The following MAML2 variants were observed in gnomAD, a reference collection of about 807,000 sequenced individuals.
The protein encoded by MAML2 is mastermind-like protein 2.
Under a neutral mutation model 96.1 loss-of-function variants are expected in MAML2, and 22 were observed. That is an observed-to-expected ratio of 0.23 (90% CI 0.16 to 0.33). The LOEUF (loss-of-function observed/expected upper bound fraction) is 0.33. Ranked by LOEUF, MAML2 falls within the 10% of genes least tolerant of loss-of-function variation. The probability of loss-of-function intolerance (pLI) is 1.00; values close to 1 mark genes in which losing one functional copy is unlikely to be tolerated. For synonymous variants in MAML2, 561 were observed against 521.3 expected (o/e 1.08, Z -1.04); for missense variants, 1,367 against 1,392.4 (o/e 0.98, Z 0.29).
intron 1 of MAML2, among the ~76,000 whole-genome samples, chr11:96,300,110 G>A (rs1446976574): frequency 6.6e-6 from 1 of 152,170 alleles, no homozygotes; most frequent in Admixed American, 6.5e-5. Flanking sequence ...ATAAGAGGGT[G>A]TGTGATACTT....
chr11:96,125,904 G>A (rs77102429), intron 1 of MAML2, among the ~76,000 whole-genome samples: 2,010 of 152,274 alleles, frequency 0.013, 16 homozygotes, highest in Non-Finnish European at 0.019. Flanking sequence ...AGCAAAGGGC[G>A]TAGATTCTGG....
At chr11:96,130,865 C>T (rs1860537813) in intron 1 of MAML2, among the ~76,000 whole-genome samples, 1 of 151,614 alleles carries the variant, frequency 6.6e-6, no homozygotes, top group African/African-American at 2.4e-5. Flanking sequence ...TTGTCCTACA[C>T]CAATTGTCTA....
intron 1 of MAML2, among the ~76,000 whole-genome samples, chr11:96,189,070 T>A (rs1015236907): frequency 1.0e-5 from 1 of 96,258 alleles, no homozygotes; most frequent in African/African-American, 3.5e-5. Context: ...AACTGTTTTG[T>A]TTTTTTTTTT....
At chr11:96,193,707 G>A (rs563226288) in intron 1 of MAML2, among the ~76,000 whole-genome samples, 1 of 152,188 alleles carries the variant, frequency 6.6e-6, no homozygotes, top group Non-Finnish European at 1.5e-5. Flanking sequence ...TGAAGAGCAA[G>A]ATGCTTTATT....
At chr11:96,178,202 G>A (rs1437601904) in intron 1 of MAML2, among the ~76,000 whole-genome samples, 1 of 151,678 alleles carries the variant, frequency 6.6e-6, no homozygotes, top group African/African-American at 2.4e-5. Context: ...CCGTGGGTTT[G>A]TGCAACTCTC....
chr11:96,019,051 A>G (rs938472012), intron 2 of MAML2, among the ~76,000 whole-genome samples: 3 of 152,220 alleles, frequency 2.0e-5, no homozygotes, highest in African/African-American at 4.8e-5. Context: ...ATTTTTTTCA[A>G]GGAGTATGGC....
At chr11:96,054,875 A>T (rs1233782749) in intron 2 of MAML2, among the ~76,000 whole-genome samples, 24 of 152,308 alleles carry the variant, frequency 1.6e-4, no homozygotes, top group African/African-American at 5.5e-4. Context: ...AGAAAAAAAT[A>T]AATTTTAAAT....
At chr11:96,326,358 C>CCTATGTGT (rs111725703) in intron 1 of MAML2, among the ~76,000 whole-genome samples, 1 of 147,638 alleles carries the variant, frequency 6.8e-6, no homozygotes, top group African/African-American at 2.5e-5. Context: ...CACACTAAAG[C>CCTATGTGT]GTGTGTGTGT....
intron 1 of MAML2, among the ~76,000 whole-genome samples, chr11:96,311,530 A>G (rs1434798976): frequency 6.6e-6 from 1 of 152,320 alleles, no homozygotes; most frequent in East Asian, 1.9e-4. Flanking sequence ...ATAGCTAGAG[A>G]TGGCGGTACC....
intron 2 of MAML2, among the ~76,000 whole-genome samples, chr11:96,025,584 C>T (rs1858504767): frequency 1.3e-5 from 2 of 152,190 alleles, no homozygotes; most frequent in Admixed American, 6.5e-5. Flanking sequence ...GATGGAGTCT[C>T]GCTCTGTCGC....
chr11:96,218,437 C>G (rs1302320835), intron 1 of MAML2, among the ~76,000 whole-genome samples: 1 of 152,142 alleles, frequency 6.6e-6, no homozygotes, highest in Non-Finnish European at 1.5e-5. Context: ...GCATTTTTAT[C>G]TTGATGCAGA....
intron 1 of MAML2, among the ~76,000 whole-genome samples, chr11:96,314,062 G>A (rs548998736): frequency 4.5e-4 from 68 of 152,330 alleles, no homozygotes; most frequent in Non-Finnish European, 8.1e-4. Flanking sequence ...TTGGGAGAGG[G>A]CAGGGATATG....
intron 1 of MAML2, among the ~76,000 whole-genome samples, chr11:96,264,898 T>C (rs995687458): frequency 1.3e-5 from 2 of 152,250 alleles, no homozygotes; most frequent in Non-Finnish European, 2.9e-5. Context: ...ACCCTAGATA[T>C]GCCTTTCTTC....
chr11:96,188,008 A>G (rs1365251851), intron 1 of MAML2, among the ~76,000 whole-genome samples: 2 of 152,172 alleles, frequency 1.3e-5, no homozygotes, highest in East Asian at 1.9e-4. Context: ...CTATGGTTAA[A>G]TGGAGTTGTC....
chr11:96,223,823 G>A (rs140456699), intron 1 of MAML2, among the ~76,000 whole-genome samples: 2 of 152,150 alleles, frequency 1.3e-5, no homozygotes, highest in African/African-American at 4.8e-5. Flanking sequence ...AACACAATTG[G>A]GTTTTTTCCC....
At position 96,274,590 on chromosome 11, in the gene MAML2, TATTA is replaced by T. The variant is rs140219990; in HGVS notation, c.513+66789_513+66792del. Among the ~76,000 whole-genome samples, 458 of 152,124 alleles carry T rather than the reference TATTA, an allele frequency of 3.0e-3. 3 individuals are homozygous for T. Among genetic ancestry groups the T allele is most frequent in the South Asian group, 1.0e-2 (48 of 4,810 alleles). ...TAAAAACCAGAAATATTAAATTAGG[TATTA>T]ATTAATGTTTAATTATAGGTTTAGT... On this transcript the variant is annotated intron_variant, in intron 1 of 4. Coordinates refer to ENST00000524717, the MANE Select transcript of MAML2 (RefSeq NM_032427.4).
At chr11:96,119,689 AC>A (rs1396772918) in intron 1 of MAML2, among the ~76,000 whole-genome samples, 1 of 152,318 alleles carries the variant, frequency 6.6e-6, no homozygotes, top group South Asian at 2.1e-4. Context: ...GGCTCTATTT[AC>A]CACTTGGCTC....
intron 1 of MAML2, among the ~76,000 whole-genome samples, chr11:96,109,971 G>T (rs1249018567): frequency 6.6e-6 from 1 of 152,156 alleles, no homozygotes; most frequent in African/African-American, 2.4e-5. Context: ...GGAACATCAA[G>T]ATTTAAGGAG....
chr11:96,194,882 C>T (rs903429265), intron 1 of MAML2, among the ~76,000 whole-genome samples: 6 of 152,096 alleles, frequency 3.9e-5, no homozygotes, highest in African/African-American at 1.4e-4. Flanking sequence ...GGAACACTGT[C>T]AAATAGGTGA....
Sources: allele counts gnomAD v4.1 joint callset (sites outside exome capture counted in the v4.1 genomes callset), GRCh38; gene constraint gnomAD v4.1.1; transcripts MANE v1.5; gene names NCBI Gene and HGNC (gene_info 2026-07-23, HGNC 2026-07-21).